Variants in RANBP1 observed in about 807,000 individuals in gnomAD.
RANBP1 encodes the protein RAN binding protein 1.
RANBP1 carries 16 observed loss-of-function variants against 31.4 expected under a neutral mutation model. The ratio of observed to expected loss-of-function variants is 0.51; its 90% CI spans 0.34 to 0.77. RANBP1 has a LOEUF of 0.77. Among genes scored for constraint, RANBP1 ranks in the 30% least tolerant of loss-of-function variants. RANBP1 has a pLI of 0.01. For missense variants in RANBP1, 265 were observed against 362.0 expected, an observed-to-expected ratio of 0.73 and a Z score of 2.17; for synonymous variants, 129 against 140.5, an observed-to-expected ratio of 0.92 and a Z score of 0.58.
rs1361549948 is a variant in RANBP1, at chr22:20,116,446, C to G, written c.246+16C>G. The G allele has an allele frequency of 1.2e-6, 2 of 1,612,840 alleles. No individual in the cohort carries two copies. Among genetic ancestry groups the G allele is most frequent in the South Asian group, 1.1e-5 (1 of 91,066 alleles). On this transcript the variant is annotated intron_variant, in intron 1 of 5. Transcript: ENST00000430524. ...GATCTCAGAGGTAAACAAGTCATCCCTGATGTAGCTGTAGAGCCCGGGCTG... is the reference window on the plus strand; with the variant it reads ...GATCTCAGAGGTAAACAAGTCATCCGTGATGTAGCTGTAGAGCCCGGGCTG...
intron 2 of RANBP1, among the ~76,000 whole-genome samples, chr22:20,121,686 G>A (rs956411508): frequency 5.9e-5 from 9 of 152,076 alleles, no homozygotes; most frequent in Admixed American, 2.0e-4. Context: ...CTGAGACTAC[G>A]GGTGTTAGCC....
Position 20,126,365 on chromosome 22 carries a change from A to C in RANBP1, c.733A>C (p.Lys245Gln). The change falls in exon 5 of 6, where the codon AAA becomes CAA. Residue 245 changes from lysine (K) to glutamine (Q), a missense_variant. This residue lies in a region of RANBP1 where 49 missense variants were observed against 47.9 expected (regional missense o/e 1.02). Coordinates refer to ENST00000430524, the MANE Select transcript of RANBP1 (RefSeq NM_001278639.2). Reference protein sequence around the residue: ...CRKEIEEREKKAGSGKNDHAE... With the variant: ...CRKEIEEREKQAGSGKNDHAE... ...GAAAGAGATCGAAGAGAGAGAAAAG[A>C]AAGGTGACGTGGTGCCATGGGTTGG... 2 of 1,614,044 alleles carry C rather than the reference A, an allele frequency of 1.2e-6. No individual in the cohort carries two copies. The highest frequency in any genetic ancestry group is 1.7e-6 in the Non-Finnish European group (2 of 1,180,018).
In RANBP1 at chr22:20,127,160, C is replaced by T. The variant is rs866192563; in HGVS notation, c.*108C>T. On this transcript the variant is annotated 3_prime_UTR_variant, in exon 6 of 6. Transcript: ENST00000430524. Reference sequence around the variant, plus strand: ...TTTATTCTTTCATTTTTACAAGGGACGTTATATAAAGAACTGAACTCAACA... The same window carrying T: ...TTTATTCTTTCATTTTTACAAGGGATGTTATATAAAGAACTGAACTCAACA... The T allele has an allele frequency of 1.3e-4, 113 of 857,092 alleles. No individual in the cohort carries two copies. Among genetic ancestry groups the T allele is most frequent in the South Asian group, 5.7e-4 (28 of 49,094 alleles). The allele number at this position is 857,092 out of a possible 1,614,324, so 53.1% of individuals were successfully genotyped here.
chr22:20,122,775 GTGGGGGTTGGTGTCTGGGGGGGGTTAA>G (rs2050204396), intron 3 of RANBP1: 2 of 574,410 alleles, frequency 3.5e-6, no homozygotes, highest in African/African-American at 4.2e-5. Context: ...TGTCTGGGGG[GTGGGGGTTGGTGTCTGGGGGGGGTTAA>G]TGGGGGGTAT....
At chr22:20,121,370 C>T (rs2050166986) in intron 2 of RANBP1, among the ~76,000 whole-genome samples, 1 of 152,176 alleles carries the variant, frequency 6.6e-6, no homozygotes, top group Non-Finnish European at 1.5e-5. Flanking sequence ...CTGCCTCAGC[C>T]TCCCGAGTAG....
intron 1 of RANBP1, chr22:20,117,578 C>A: frequency 1.4e-6 from 2 of 1,406,034 alleles, no homozygotes; most frequent in Middle Eastern, 2.6e-4. Flanking sequence ...GAAGGAGCTA[C>A]GAGTAGCCGC....
Position 20,126,431 on chromosome 22 carries a change from C to T in RANBP1, c.736+63C>T. The T allele has an allele frequency of 1.9e-6, 3 of 1,612,318 alleles. 1 individual carries two copies. Among genetic ancestry groups the T allele is most frequent in the Non-Finnish European group, 2.5e-6 (3 of 1,179,222 alleles). Reference sequence around the variant, plus strand: ...ACTCACTCTGCATCTGACTATACTTCCAGGCGGGTGCTTTTTCTGTCTGCC... The same window carrying T: ...ACTCACTCTGCATCTGACTATACTTTCAGGCGGGTGCTTTTTCTGTCTGCC... On this transcript the variant is annotated intron_variant, in intron 5 of 5. Coordinates refer to ENST00000430524, the MANE Select transcript of RANBP1 (RefSeq NM_001278639.2).
chr22:20,127,049 A>G lies in RANBP1; in HGVS notation c.834A>G (p.Gln278=), dbSNP rs376753468. The change falls in exon 6 of 6, where the codon CAA becomes CAG. Residue 278 remains glutamine (Q), a synonymous_variant. Transcript: ENST00000430524. ...EETKEDAEEK[Q] is the part of the protein sequence containing the mutation. ...CCAAGGAGGATGCTGAGGAGAAGCA[A>G]TAAATCGTCTTATTTTATTTTCTTT... The G allele has an allele frequency of 2.5e-6, 4 of 1,602,696 alleles. No individual in the cohort carries two copies. The Admixed American group carries it at 7.0e-5, about 28-fold the overall frequency.
intron 1 of RANBP1, chr22:20,116,948 G>A (rs1272142155): frequency 6.4e-7 from 1 of 1,572,798 alleles, no homozygotes; most frequent in East Asian, 2.4e-5. Context: ...CGCCATGGGG[G>A]CCGCCTGGCC....
At chr22:20,119,339 C>T (rs2050125475) in intron 2 of RANBP1, 190 bp downstream of exon 2, 1 of 596,566 alleles carries the variant, frequency 1.7e-6, no homozygotes, top group South Asian at 2.0e-5. Context: ...GCCCTTGCTG[C>T]CCTGCAGCCA....
intron 3 of RANBP1, chr22:20,122,634 G>A (rs1443661862): frequency 4.6e-6 from 7 of 1,512,258 alleles, no homozygotes; most frequent in Non-Finnish European, 6.2e-6. Context: ...ACACGGGGGT[G>A]TGGAGTCAGC....
chr22:20,116,399 C>T lies in RANBP1; in HGVS notation c.215C>T (p.Thr72Met), dbSNP rs2050020416. The T allele has an allele frequency of 6.2e-7, 1 of 1,611,758 alleles. No homozygotes were observed. The highest frequency in any genetic ancestry group is 8.5e-7 in the Non-Finnish European group (1 of 1,178,940). The change falls in exon 1 of 6, where the codon ACG becomes ATG. Residue 72 changes from threonine (T) to methionine (M), a missense_variant. Transcript: ENST00000430524. ...TCGCTGAAGCTGGCGTGGCGAGGCA[C>T]GTTCTGCAGCTCCAGTTTAAAGATC... ...RTSLKLAWRGTFCSSSLKISE... is the reference protein window; with the variant it reads ...RTSLKLAWRGMFCSSSLKISE...
intron 4 of RANBP1, 174 bp downstream of exon 4, chr22:20,125,610 T>C: frequency 1.3e-6 from 2 of 1,506,910 alleles, no homozygotes; most frequent in Non-Finnish European, 1.8e-6. Context: ...ACTGAAGCCA[T>C]GAGCAGCGCC....
At position 20,127,219 on chromosome 22, in the gene RANBP1, T is replaced by G; in HGVS notation, c.*167T>G. 3.9e-6 allele frequency: 2 copies of G among 509,548 alleles called. No individual in the cohort carries two copies. Among genetic ancestry groups the G allele is most frequent in the Non-Finnish European group, 6.7e-6 (2 of 298,414 alleles). 31.6% of individuals were successfully genotyped at this position (509,548 alleles called of 1,614,324 possible). A position where few individuals can be genotyped will look rare whatever the true frequency, so the allele number is the denominator to read the frequency against. ...GTTTTTTTTTTTTGTTTCTAAGTTT[T>G]TGCCCTATTGAAGATGACTTCAGAA... On this transcript the variant is annotated 3_prime_UTR_variant, in exon 6 of 6. Transcript: ENST00000430524.
intron 1 of RANBP1, chr22:20,116,733 C>A: frequency 7.2e-7 from 1 of 1,394,928 alleles, no homozygotes; most frequent in South Asian, 1.4e-5. Context: ...CCTGCCCCTC[C>A]CCCAGTCTAC....
chr22:20,116,366 G>T lies in RANBP1; in HGVS notation c.182G>T (p.Arg61Leu). The change falls in exon 1 of 6, where the codon CGC becomes CTC. Residue 61 changes from arginine to leucine, a missense_variant. Physicochemically the swap from Arg to Leu is moderately radical, Grantham distance 102. Around this residue, in one of 3 missense-constraint regions of RANBP1, gnomAD observed 126 missense variants for 123.6 expected, o/e 1.02. Transcript: ENST00000430524. ...WGCRPKRPRKRRTSLKLAWRG... is the reference protein window; with the variant it reads ...WGCRPKRPRKLRTSLKLAWRG... Reference sequence around the variant, plus strand: ...TGCAGACCAAAGCGGCCCAGGAAGCGCCGGACGTCGCTGAAGCTGGCGTGG... The same window carrying T: ...TGCAGACCAAAGCGGCCCAGGAAGCTCCGGACGTCGCTGAAGCTGGCGTGG... The T allele has an allele frequency of 6.2e-7, 1 of 1,612,466 alleles. No individual in the cohort carries two copies. Among genetic ancestry groups the T allele is most frequent in the South Asian group, 1.1e-5 (1 of 91,080 alleles).
At chr22:20,119,460 G>T in intron 2 of RANBP1, 1 of 328,996 alleles carries the variant, frequency 3.0e-6, no homozygotes, top group Non-Finnish European at 5.7e-6. Context: ...GTTGAGCAGG[G>T]GGTTTTAAGT....
chr22:20,119,174 T>C (rs2050120521), intron 2 of RANBP1, 25 bp downstream of exon 2: 3 of 1,604,896 alleles, frequency 1.9e-6, no homozygotes, highest in Non-Finnish European at 8.5e-7. Context: ...GTCCCAGAAA[T>C]AGGACTCTTT....
In RANBP1 at chr22:20,127,276, GCTAA is replaced by G. The variant is rs896249278; in HGVS notation, c.*227_*230del. ...TTCCCCAGTCATGAAAATGTACTGT[GCTAA>G]CTTTCTTTTCCATAGTGGAAACACT... On this transcript the variant is annotated 3_prime_UTR_variant, in exon 6 of 6. Coordinates refer to ENST00000430524, the MANE Select transcript of RANBP1 (RefSeq NM_001278639.2). 29 of 369,928 alleles carry G rather than the reference GCTAA, an allele frequency of 7.8e-5. No individual in the cohort carries two copies. The highest frequency in any genetic ancestry group is 4.8e-4 in the African/African-American group (23 of 47,636). 22.9% of individuals were successfully genotyped at this position (369,928 alleles called of 1,614,324 possible). A position where few individuals can be genotyped will look rare whatever the true frequency, so the allele number is the denominator to read the frequency against.
Sources: allele counts gnomAD v4.1 joint callset (sites outside exome capture counted in the v4.1 genomes callset), GRCh38; gene constraint gnomAD v4.1.1; regional missense constraint gnomAD v4.1.1; transcripts MANE v1.5; gene names NCBI Gene and HGNC (gene_info 2026-07-23, HGNC 2026-07-21).